LRFN2: variants seen among roughly 807,000 people sequenced by gnomAD.
LRFN2 encodes leucine rich repeat and fibronectin type III domain containing 2, also known as leucine-rich repeat and fibronectin type-III domain-containing protein 2.
A neutral mutation model predicts 37.3 loss-of-function variants in LRFN2; 18 were observed. The observed-to-expected ratio is 0.48, with a 90% CI of 0.33 to 0.72. The LOEUF is 0.72. Among genes scored for constraint, LRFN2 ranks in the 30% least tolerant of loss-of-function variants. The pLI is 0.02. For missense variants in LRFN2, 1,006 were observed against 1,060.7 expected (o/e 0.95, Z 0.72); for synonymous variants, 556 against 466.6 (o/e 1.19, Z -2.47).
chr6:40,448,781 C>G (rs1489106895), intron 1 of LRFN2, among the ~76,000 whole-genome samples: 1 of 152,170 alleles, frequency 6.6e-6, no homozygotes, highest in Admixed American at 6.5e-5. Flanking sequence ...AAGGCAGAAC[C>G]AAGGAAGCTG....
intron 2 of LRFN2, among the ~76,000 whole-genome samples, chr6:40,420,507 CT>C (rs1763201435): frequency 6.6e-6 from 1 of 152,250 alleles, no homozygotes; most frequent in African/African-American, 2.4e-5. Flanking sequence ...CAGCCACAAA[CT>C]GGCTACTGGT....
At chr6:40,501,398 G>A (rs1455237464) in intron 1 of LRFN2, among the ~76,000 whole-genome samples, 1 of 151,826 alleles carries the variant, frequency 6.6e-6, no homozygotes, top group Admixed American at 6.6e-5. Flanking sequence ...ATAGCTCACT[G>A]AGGCCTTGAT....
At chr6:40,449,949 G>A (rs1238040565) in intron 1 of LRFN2, among the ~76,000 whole-genome samples, 1 of 152,110 alleles carries the variant, frequency 6.6e-6, no homozygotes, top group Non-Finnish European at 1.5e-5. Context: ...CACTCACAAT[G>A]AAATCTTTTT....
chr6:40,506,261 C>A (rs928832090), intron 1 of LRFN2, among the ~76,000 whole-genome samples: 2 of 152,216 alleles, frequency 1.3e-5, no homozygotes, highest in Non-Finnish European at 2.9e-5. Flanking sequence ...CTGGCAGTCC[C>A]ACCACAAGTC....
rs564907375 is a variant in LRFN2, at chr6:40,494,946, T to C, written c.-18-61815A>G. 7.8e-4 allele frequency among the ~76,000 whole-genome samples: 119 copies of C among 152,256 alleles called. No homozygotes were observed. The Middle Eastern group carries it at 0.014, about 17-fold the overall frequency. ...TACTCTTGTTGTCCTTGGACTTATC[T>C]CCTTCCTTCATGCTCACCTGGAAAT... On this transcript the variant is annotated intron_variant, in intron 1 of 2. Transcript: ENST00000338305.
chr6:40,472,342 G>A (rs911773116), intron 1 of LRFN2, among the ~76,000 whole-genome samples: 12 of 152,184 alleles, frequency 7.9e-5, no homozygotes, highest in African/African-American at 1.7e-4. Flanking sequence ...ATTTATTCTC[G>A]CAACACTTTT....
intron 1 of LRFN2, among the ~76,000 whole-genome samples, chr6:40,449,821 A>G (rs1275825120): frequency 6.6e-6 from 1 of 152,146 alleles, no homozygotes; most frequent in African/African-American, 2.4e-5. Context: ...CACAATTGAC[A>G]TTGGTACAAT....
chr6:40,445,583 C>A (rs1581711717), intron 1 of LRFN2, among the ~76,000 whole-genome samples: 2 of 152,142 alleles, frequency 1.3e-5, no homozygotes, highest in East Asian at 3.9e-4. Flanking sequence ...AACAAAGATT[C>A]AAGGTATTGT....
intron 2 of LRFN2, among the ~76,000 whole-genome samples, chr6:40,406,301 G>C (rs1762846450): frequency 6.6e-6 from 1 of 152,236 alleles, no homozygotes; most frequent in Admixed American, 6.5e-5. Flanking sequence ...ACTGAGGACA[G>C]AGAAGTGAAT....
chr6:40,482,955 G>C (rs994533559), intron 1 of LRFN2, among the ~76,000 whole-genome samples: 1 of 152,244 alleles, frequency 6.6e-6, no homozygotes, highest in Non-Finnish European at 1.5e-5. Flanking sequence ...CCCTGTCCCT[G>C]CTGCAGCCAC....
At chr6:40,441,450 T>C (rs892592636) in intron 1 of LRFN2, among the ~76,000 whole-genome samples, 23 of 152,018 alleles carry the variant, frequency 1.5e-4, no homozygotes. Flanking sequence ...TGGAGGGCTG[T>C]GTGGGTAAAG....
chr6:40,503,118 G>A (rs979555810), intron 1 of LRFN2, among the ~76,000 whole-genome samples: 3 of 152,204 alleles, frequency 2.0e-5, no homozygotes, highest in Non-Finnish European at 4.4e-5. Flanking sequence ...GGGTGGGCCA[G>A]CCATGCAGGG....
chr6:40,432,279 C>T lies in LRFN2; in HGVS notation c.835G>A (p.Val279Met), dbSNP rs753313525. ...TCGCACACAAACTCCTCCTCACGCA[C>T]ATGCCAGAAGTAGCGACCCTTGAGG... Reference protein sequence around the residue: ...GGLKGRYFWHVREEEFVCEPP... With the variant: ...GGLKGRYFWHMREEEFVCEPP... Residue 279 changes from valine to methionine, a missense_variant, in exon 2 of 3, where the codon GTG becomes ATG. By Grantham distance (21) the Val-to-Met change is conservative. Transcript: ENST00000338305. 13 of 1,614,102 alleles carry T rather than the reference C, an allele frequency of 8.1e-6. No homozygotes were observed. Among genetic ancestry groups the T allele is most frequent in the Admixed American group, 3.3e-5 (2 of 60,032 alleles).
chr6:40,468,420 G>A (rs566749698), intron 1 of LRFN2, among the ~76,000 whole-genome samples: 3 of 152,114 alleles, frequency 2.0e-5, no homozygotes, highest in African/African-American at 7.2e-5. Context: ...GAAAGCAAAG[G>A]AATCAGTGAG....
chr6:40,448,443 C>G (rs1764025615), intron 1 of LRFN2, among the ~76,000 whole-genome samples: 1 of 151,886 alleles, frequency 6.6e-6, no homozygotes, highest in African/African-American at 2.4e-5. Flanking sequence ...TAATGATACC[C>G]CATGAATATA....
intron 1 of LRFN2, among the ~76,000 whole-genome samples, chr6:40,468,698 G>T (rs1234374850): frequency 6.6e-6 from 1 of 152,180 alleles, no homozygotes; most frequent in Non-Finnish European, 1.5e-5. Flanking sequence ...GAGCATGGGG[G>T]CTTATCCATG....
chr6:40,474,893 T>G (rs530565762), intron 1 of LRFN2, among the ~76,000 whole-genome samples: 225 of 152,378 alleles, frequency 1.5e-3, no homozygotes, highest in African/African-American at 5.2e-3. Context: ...AAACACTCTT[T>G]TGGTTCCAGC....
intron 1 of LRFN2, among the ~76,000 whole-genome samples, chr6:40,511,803 C>A (rs1458672265): frequency 4.6e-5 from 7 of 152,182 alleles, no homozygotes; most frequent in African/African-American, 1.4e-4. Flanking sequence ...CACAATTATT[C>A]AAAGTTCTAA....
At chr6:40,527,696 C>T (rs1581779544) in intron 1 of LRFN2, among the ~76,000 whole-genome samples, 1 of 152,164 alleles carries the variant, frequency 6.6e-6, no homozygotes, top group Admixed American at 6.5e-5. Context: ...TATATTTGAC[C>T]AGGGCTTGAA....
Sources: gnomAD v4.1 joint callset for allele counts (sites outside exome capture counted in the v4.1 genomes callset) on GRCh38, gnomAD v4.1.1 for gene constraint, MANE v1.5 for transcripts, NCBI Gene and HGNC (gene_info 2026-07-23, HGNC 2026-07-21) for gene names.